LUZP1: variants seen among roughly 807,000 people sequenced by gnomAD.
LUZP1 encodes the protein filamin mechanobinding actin cross-linking protein.
In LUZP1, 25 loss-of-function variants were observed where a neutral mutation model predicts 71.3. That is an observed-to-expected ratio of 0.35 (90% CI 0.26 to 0.49). The LOEUF (loss-of-function observed/expected upper bound fraction) is 0.49, where lower values mean the gene tolerates loss of function less well. Among genes scored for constraint, LUZP1 ranks in the 20% least tolerant of loss-of-function variants. LUZP1 has a pLI of 0.99. For missense variants in LUZP1, 1,142 were observed against 1,300.8 expected, an observed-to-expected ratio of 0.88 and a Z score of 1.88; for synonymous variants, 481 against 506.4, an observed-to-expected ratio of 0.95 and a Z score of 0.67.
At chr1:23,159,895 A>G (rs1422523526) in intron 2 of LUZP1, among the ~76,000 whole-genome samples, 1 of 152,234 alleles carries the variant, frequency 6.6e-6, no homozygotes, top group African/African-American at 2.4e-5. Context: ...CTGAGACAGA[A>G]GAATCGCTTG....
rs10578041 is a variant in LUZP1 at position 23,136,295 on chromosome 1, AACACACACAC to A, written c.-225-27178_-225-27169del. Among the ~76,000 whole-genome samples, 399 of 130,244 alleles carry A rather than the reference AACACACACAC, an allele frequency of 3.1e-3. 1 individual carries two copies. Among genetic ancestry groups the A allele is most frequent in the African/African-American group, 9.5e-3 (318 of 33,650 alleles). 85.4% of individuals were successfully genotyped at this position (130,244 alleles called of 152,430 possible). On this transcript the variant is annotated intron_variant, in intron 2 of 4. Transcript: ENST00000302291. ...GCTGAGGCGGGCAGATTCCGTCTTA[AACACACACAC>A]ACACACACACACACACACACACACA... is the stretch of plus-strand genomic sequence containing the variant.
Position 23,157,202 on chromosome 1 carries a change from C to T in LUZP1, c.-226+11564G>A, listed in dbSNP as rs145847661. On this transcript the variant is annotated intron_variant, in intron 2 of 4. Coordinates refer to ENST00000302291, the Ensembl canonical transcript of LUZP1. ...ACAAGAATTAGTAGATGTGGTAGTG[C>T]GTGCCTATAGTCCTAGCTACTAGGG... Among the ~76,000 whole-genome samples the T allele has an allele frequency of 1.9e-3, 285 of 152,214 alleles. 1 individual carries two copies. Among genetic ancestry groups the T allele is most frequent in the Middle Eastern group, 6.8e-3 (2 of 294 alleles).
exon 5 of LUZP1, chr1:23,088,798 T>C: frequency 1.3e-6 from 2 of 1,491,666 alleles, no homozygotes; most frequent in Non-Finnish European, 1.8e-6. Context: ...AAGGCTTGTG[T>C]CTTGCCTGGT....
At chr1:23,123,223 G>A (rs1244351549) in intron 2 of LUZP1, among the ~76,000 whole-genome samples, 3 of 152,156 alleles carry the variant, frequency 2.0e-5, no homozygotes, top group Non-Finnish European at 4.4e-5. Context: ...GCCGGGCGCG[G>A]TGGCTCACCC....
At chr1:23,135,987 A>G (rs1251698425) in intron 2 of LUZP1, among the ~76,000 whole-genome samples, 1 of 152,146 alleles carries the variant, frequency 6.6e-6, no homozygotes. Context: ...TCTCATCTCA[A>G]TTCTGCTAGT....
chr1:23,121,638 T>A (rs914879142), intron 2 of LUZP1, among the ~76,000 whole-genome samples: 26 of 152,258 alleles, frequency 1.7e-4, no homozygotes, highest in African/African-American at 6.0e-4. Context: ...GAGGATAGCT[T>A]AAGCCCCAGA....
chr1:23,099,704 G>C (rs1021386120), intron 3 of LUZP1, among the ~76,000 whole-genome samples: 2 of 152,096 alleles, frequency 1.3e-5, no homozygotes, highest in Non-Finnish European at 2.9e-5. Context: ...CAAGACTCTG[G>C]ATGATATGAA....
chr1:23,092,379 T>C, exon 4 of LUZP1: 1 of 1,614,240 alleles, frequency 6.2e-7, no homozygotes, highest in Non-Finnish European at 8.5e-7. Flanking sequence ...TGCAGGTTGA[T>C]TAACCCCTTC....
intron 3 of LUZP1, among the ~76,000 whole-genome samples, chr1:23,104,242 C>T (rs1326178598): frequency 1.3e-5 from 2 of 151,244 alleles, no homozygotes; most frequent in Non-Finnish European, 2.9e-5. Context: ...TGAAGAGGCA[C>T]GATCTCAGCT....
intron 2 of LUZP1, chr1:23,163,890 T>C (rs1644489210): frequency 6.6e-6 from 1 of 152,176 alleles, no homozygotes; most frequent in Non-Finnish European, 1.5e-5. Flanking sequence ...CTCAGTTCCC[T>C]CATTTATAAA....
chr1:23,146,026 C>G (rs909411133), intron 2 of LUZP1, among the ~76,000 whole-genome samples: 1 of 152,016 alleles, frequency 6.6e-6, no homozygotes, highest in Non-Finnish European at 1.5e-5. Context: ...TCCTCACCAT[C>G]GTAACACCAC....
chr1:23,144,954 G>A (rs1644330870), intron 2 of LUZP1, among the ~76,000 whole-genome samples: 1 of 151,898 alleles, frequency 6.6e-6, no homozygotes, highest in South Asian at 2.1e-4. Context: ...ATGCAGTGGT[G>A]GCATGATCAC....
At chr1:23,136,975 A>G (rs12038873) in intron 2 of LUZP1, among the ~76,000 whole-genome samples, 26,223 of 152,148 alleles carry the variant, frequency 0.17, 2,327 homozygotes, top group East Asian at 0.27. Flanking sequence ...CCTTTCTTGT[A>G]ATCAAAGGCT....
chr1:23,171,001 G>A (rs542883944), intron 1 of LUZP1, among the ~76,000 whole-genome samples: 4 of 151,260 alleles, frequency 2.6e-5, no homozygotes, highest in African/African-American at 9.7e-5. Flanking sequence ...GTGGTGGGAG[G>A]ATCCCTTGAA....
chr1:23,111,808 C>A (rs1246420522), intron 2 of LUZP1, among the ~76,000 whole-genome samples: 1 of 151,528 alleles, frequency 6.6e-6, no homozygotes, highest in Non-Finnish European at 1.5e-5. Context: ...ACAAACACCG[C>A]CCCCCCACAC....
chr1:23,100,961 ACT>A (rs1288960810), intron 3 of LUZP1, among the ~76,000 whole-genome samples: 10 of 152,086 alleles, frequency 6.6e-5, no homozygotes, highest in Admixed American at 6.5e-5. Flanking sequence ...CAGTCTCCTG[ACT>A]CTATGTTCAG....
intron 2 of LUZP1, among the ~76,000 whole-genome samples, chr1:23,151,211 A>G (rs1373282272): frequency 2.6e-5 from 4 of 151,966 alleles, no homozygotes; most frequent in Admixed American, 2.6e-4. Context: ...TGCCTGGTTA[A>G]TTTTTGTATT....
At chr1:23,092,074 G>A (rs1643863288) in exon 4 of LUZP1, 1 of 1,614,120 alleles carries the variant, frequency 6.2e-7, no homozygotes, top group Non-Finnish European at 8.5e-7. Flanking sequence ...GTATCTGGGA[G>A]CTCCATGGTA....
At chr1:23,165,701 T>C (rs1048909673) in intron 2 of LUZP1, among the ~76,000 whole-genome samples, 8 of 152,204 alleles carry the variant, frequency 5.3e-5, no homozygotes, top group Non-Finnish European at 1.2e-4. Context: ...AAATATTTGC[T>C]ATGCATCTAT....
Sources: gnomAD v4.1 joint callset for allele counts (sites outside exome capture counted in the v4.1 genomes callset) on GRCh38, gnomAD v4.1.1 for gene constraint, MANE v1.5 for transcripts, NCBI Gene and HGNC (gene_info 2026-07-23, HGNC 2026-07-21) for gene names.